The following SLC36A2 variants were observed in gnomAD, a reference collection of about 807,000 sequenced individuals.
The protein encoded by SLC36A2 is proton-coupled amino acid transporter 2.
SLC36A2 carries 39 observed loss-of-function variants against 42.7 expected under a neutral mutation model. That is an observed-to-expected ratio of 0.91 (90% CI 0.71 to 1.19). The LOEUF is 1.19. Ranked by LOEUF, SLC36A2 falls within the 50% of genes most tolerant of loss-of-function variation. The pLI, the probability that SLC36A2 is intolerant of heterozygous loss-of-function variation, is 0.00. For synonymous variants in SLC36A2, 237 were observed against 240.8 expected (o/e 0.98, Z 0.15); for missense variants, 590 against 613.7 (o/e 0.96, Z 0.41).
Position 151,339,239 on chromosome 5 carries a change from A to T in SLC36A2, c.441-95T>A, listed in dbSNP as rs185989570. 103 of 897,892 alleles carry T rather than the reference A, an allele frequency of 1.1e-4. No homozygotes were observed. The Admixed American group carries it at 2.0e-3, about 18-fold the overall frequency. 55.6% of individuals were successfully genotyped at this position (897,892 alleles called of 1,614,324 possible). On this transcript the variant is annotated intron_variant, in intron 4 of 9. Coordinates refer to ENST00000335244, the MANE Select transcript of SLC36A2 (RefSeq NM_181776.3). ...GCCATTCTGCCCTCTGTTCCCAGGG[A>T]TTGGTTGCCCTGTACCAGCACACTT...
rs79280880 is a variant in SLC36A2, at chr5:151,333,349, C to T, written c.745-27G>A. The T allele has an allele frequency of 7.6e-3, 12,087 of 1,585,654 alleles. 757 individuals are homozygous for T. The African/African-American group carries it at 0.14, about 19-fold the overall frequency. On this transcript the variant is annotated intron_variant, in intron 6 of 9. Transcript: ENST00000335244. ...TAAAGAAGAAAGAAATGCTATGAGA[C>T]AGTCACTCTTAAAGCACATTTGAGC...
At chr5:151,318,423 A>G (rs1194295810) in intron 9 of SLC36A2, among the ~76,000 whole-genome samples, 1 of 143,714 alleles carries the variant, frequency 7.0e-6, no homozygotes, top group East Asian at 2.0e-4. Context: ...AATAATATAA[A>G]TAATATAAAT....
intron 4 of SLC36A2, 77 bp downstream of exon 4, chr5:151,342,811 G>T: frequency 1.6e-6 from 2 of 1,278,334 alleles, no homozygotes; most frequent in Non-Finnish European, 2.3e-6. Flanking sequence ...CACCTTTCCA[G>T]GGAAGAAGTC....
chr5:151,343,122 A>C, intron 3 of SLC36A2, 139 bp from the exon 4 acceptor site: 1 of 733,732 alleles, frequency 1.4e-6, no homozygotes, highest in South Asian at 1.5e-5. Context: ...TCGGGCTTTG[A>C]CACTCAGCAG....
chr5:151,316,104 G>C lies in SLC36A2; in HGVS notation c.*713C>G, dbSNP rs1371242161. On this transcript the variant is annotated 3_prime_UTR_variant, in exon 10 of 10. Transcript: ENST00000335244. ...ACCCTTAATGTTTGCTTTTTGAACA[G>C]ACCCAGAAAAGGGAAAACCGGTTGT... 1 of 152,382 alleles carries C rather than the reference G, an allele frequency of 6.6e-6. No homozygotes were observed. Among genetic ancestry groups the C allele is most frequent in the Non-Finnish European group, 1.5e-5 (1 of 68,198 alleles). 9.4% of individuals were successfully genotyped at this position (152,382 alleles called of 1,614,324 possible).
chr5:151,321,779 A>G, intron 9 of SLC36A2: 1 of 417,854 alleles, frequency 2.4e-6, no homozygotes, highest in Non-Finnish European at 4.6e-6. Flanking sequence ...TACATGTTCA[A>G]GTGATCCTCT....
chr5:151,340,959 G>T (rs1756328010), intron 4 of SLC36A2, among the ~76,000 whole-genome samples: 1 of 152,120 alleles, frequency 6.6e-6, no homozygotes, highest in African/African-American at 2.4e-5. Context: ...TAGGATGTTG[G>T]CTACAATGGT....
intron 7 of SLC36A2, among the ~76,000 whole-genome samples, chr5:151,331,863 T>G (rs1330494837): frequency 6.6e-6 from 1 of 151,732 alleles, no homozygotes; most frequent in African/African-American, 2.4e-5. Context: ...CATAGCAAGA[T>G]CCCATCTCTC....
chr5:151,341,887 G>A (rs886243518), intron 4 of SLC36A2, among the ~76,000 whole-genome samples: 3 of 152,080 alleles, frequency 2.0e-5, no homozygotes, highest in Admixed American at 2.0e-4. Context: ...AGTCAATCTC[G>A]ACTCTTCCTT....
At chr5:151,337,255 T>C (rs1304473041) in intron 5 of SLC36A2, among the ~76,000 whole-genome samples, 2 of 152,198 alleles carry the variant, frequency 1.3e-5, no homozygotes, top group Non-Finnish European at 2.9e-5. Context: ...CGGTTTTCAC[T>C]GATTCCTTCT....
chr5:151,325,188 C>G (rs888804422), intron 8 of SLC36A2, 98 bp downstream of exon 8: 2 of 1,422,556 alleles, frequency 1.4e-6, no homozygotes, highest in African/African-American at 1.4e-5. Context: ...GGGAGGCTCT[C>G]TAGACCTCAG....
At chr5:151,342,084 A>G (rs1220548368) in intron 4 of SLC36A2, among the ~76,000 whole-genome samples, 4 of 152,200 alleles carry the variant, frequency 2.6e-5, no homozygotes, top group Non-Finnish European at 4.4e-5. Context: ...AGATCTTTAA[A>G]CAATACAAAT....
chr5:151,328,110 C>T (rs1396549299), intron 7 of SLC36A2, among the ~76,000 whole-genome samples: 1 of 152,200 alleles, frequency 6.6e-6, no homozygotes, highest in African/African-American at 2.4e-5. Context: ...GCACATTCTG[C>T]CTCCAAAGTT....
At chr5:151,340,236 G>A (rs1756299296) in intron 4 of SLC36A2, among the ~76,000 whole-genome samples, 2 of 149,088 alleles carry the variant, frequency 1.3e-5, no homozygotes, top group Non-Finnish European at 1.5e-5. Context: ...AGGAAGGGGA[G>A]GAGGAGGAGG....
In SLC36A2 at chr5:151,335,359, G is replaced by C. The variant is rs1270067301; in HGVS notation, c.714C>G (p.Ser238Arg). The C allele has an allele frequency of 4.3e-6, 7 of 1,613,842 alleles. No homozygotes were observed. The South Asian group carries it at 7.7e-5, about 18-fold the overall frequency. Residue 238 changes from serine to arginine, a missense_variant, in exon 6 of 10, where the codon AGC (serine) becomes AGG (arginine). Physicochemically the swap from Ser to Arg is moderately radical, Grantham distance 110. Coordinates refer to ENST00000335244, the MANE Select transcript of SLC36A2 (RefSeq NM_181776.3). Reference sequence around the variant, plus strand: ...TAATGTACTGTATGATGATGACCAAGCTGACCAGCATGCTGATGTTGGCCA... The same window carrying C: ...TAATGTACTGTATGATGATGACCAACCTGACCAGCATGCTGATGTTGGCCA... ...SMLANISMLV[S>R]LVIIIQYITQ...
At chr5:151,322,905 T>C (rs568158144) in intron 8 of SLC36A2, among the ~76,000 whole-genome samples, 6 of 152,298 alleles carry the variant, frequency 3.9e-5, no homozygotes, top group Non-Finnish European at 7.4e-5. Flanking sequence ...CTGTTTTCCT[T>C]CAGTCCACTA....
chr5:151,325,223 GA>G, intron 8 of SLC36A2, 62 bp downstream of exon 8: 1 of 1,570,558 alleles, frequency 6.4e-7, no homozygotes, highest in Non-Finnish European at 8.7e-7. Context: ...AAGGGAGGAG[GA>G]AGTGACCTAT....
intron 1 of SLC36A2, among the ~76,000 whole-genome samples, chr5:151,345,046 CT>C (rs1318476957): frequency 6.6e-6 from 1 of 152,154 alleles, no homozygotes; most frequent in Admixed American, 6.6e-5. Flanking sequence ...CAGACCCTTC[CT>C]TTAAGACAAA....
chr5:151,330,856 T>C (rs1483696473), intron 7 of SLC36A2, among the ~76,000 whole-genome samples: 1 of 152,192 alleles, frequency 6.6e-6, no homozygotes, highest in Non-Finnish European at 1.5e-5. Context: ...ACGTATATTA[T>C]AGTACCTAGA....
Sources: gnomAD v4.1 joint callset for allele counts (sites outside exome capture counted in the v4.1 genomes callset) on GRCh38, gnomAD v4.1.1 for gene constraint, MANE v1.5 for transcripts, NCBI Gene and HGNC (gene_info 2026-07-23, HGNC 2026-07-21) for gene names.